APBA1: variants seen among roughly 807,000 people sequenced by gnomAD.
APBA1 encodes amyloid beta precursor protein binding family A member 1.
A neutral mutation model predicts 86.6 loss-of-function variants in APBA1; 55 were observed. That is an observed-to-expected ratio of 0.64 (90% CI 0.51 to 0.80). The LOEUF (loss-of-function observed/expected upper bound fraction) is 0.80. Ranked by LOEUF, APBA1 falls within the 30% of genes least tolerant of loss-of-function variation. The probability of loss-of-function intolerance (pLI) is 0.00; values close to 1 mark genes in which losing one functional copy is unlikely to be tolerated. For missense variants in APBA1, 1,090 were observed against 1,183.0 expected (o/e 0.92, Z 1.15); for synonymous variants, 511 against 493.9 (o/e 1.03, Z -0.46).
chr9:69,442,388 G>T (rs77005814), intron 10 of APBA1, among the ~76,000 whole-genome samples: 1,971 of 152,232 alleles, frequency 0.013, 36 homozygotes, highest in African/African-American at 0.045. Context: ...CTGCCCAACT[G>T]GACTCCCATC....
At chr9:69,652,436 G>A (rs1266455038) in intron 1 of APBA1, among the ~76,000 whole-genome samples, 2 of 152,140 alleles carry the variant, frequency 1.3e-5, no homozygotes, top group Admixed American at 1.3e-4. Context: ...CCAAATAAGT[G>A]TGTGTGTGTT....
At chr9:69,630,897 G>T (rs1823029096) in intron 1 of APBA1, among the ~76,000 whole-genome samples, 1 of 152,176 alleles carries the variant, frequency 6.6e-6, no homozygotes. Context: ...GTCTCCAGGG[G>T]ACACTACAGT....
intron 1 of APBA1, among the ~76,000 whole-genome samples, chr9:69,621,540 C>A (rs1226510560): frequency 6.6e-6 from 1 of 152,218 alleles, no homozygotes; most frequent in East Asian, 1.9e-4. Context: ...CGGTTCAAGT[C>A]CTGGCCCATC....
rs918020345 is a variant in APBA1 at position 69,548,628 on chromosome 9, G to C, written c.-69-31349C>G. The stretch of plus-strand genomic sequence containing the variant: ...AGGGTAAAAGGCAATAGGGTGCTCA[G>C]GAGGTAAGCAAGAAAAAGGAAAAGA... On this transcript the variant is annotated intron_variant, in intron 1 of 12. Coordinates refer to ENST00000265381, the MANE Select transcript of APBA1 (RefSeq NM_001163.4). 2.6e-5 allele frequency among the ~76,000 whole-genome samples: 4 copies of C among 152,348 alleles called. No individual in the cohort carries two copies. In the East Asian group the frequency reaches 7.7e-4, roughly 29 times the overall value.
chr9:69,547,280 C>T (rs1475071553), intron 1 of APBA1, among the ~76,000 whole-genome samples: 1 of 152,190 alleles, frequency 6.6e-6, no homozygotes, highest in Non-Finnish European at 1.5e-5. Flanking sequence ...CTCCAGTCAG[C>T]CATCCTTAGA....
chr9:69,581,915 G>A (rs1821919011), intron 1 of APBA1, among the ~76,000 whole-genome samples: 1 of 152,140 alleles, frequency 6.6e-6, no homozygotes, highest in South Asian at 2.1e-4. Flanking sequence ...GTAAAAGAGT[G>A]ACCACAGCCC....
chr9:69,615,434 T>C (rs767639938), intron 1 of APBA1, among the ~76,000 whole-genome samples: 1 of 152,180 alleles, frequency 6.6e-6, no homozygotes, highest in Non-Finnish European at 1.5e-5. Context: ...TTGGTTATAC[T>C]ACCAAGGCTT....
chr9:69,490,281 A>G (rs894529932), intron 2 of APBA1, among the ~76,000 whole-genome samples: 3 of 151,650 alleles, frequency 2.0e-5, no homozygotes, highest in African/African-American at 7.3e-5. Flanking sequence ...CAATGAGAAC[A>G]CATGGACACA....
chr9:69,670,380 T>C (rs1434568205), intron 1 of APBA1, among the ~76,000 whole-genome samples: 3 of 152,222 alleles, frequency 2.0e-5, no homozygotes, highest in Non-Finnish European at 4.4e-5. Context: ...TTTACTTGTG[T>C]AGCCATGACT....
chr9:69,590,934 C>T (rs966571439), intron 1 of APBA1, among the ~76,000 whole-genome samples: 3 of 152,200 alleles, frequency 2.0e-5, no homozygotes, highest in African/African-American at 7.2e-5. Flanking sequence ...AAGCTAATGG[C>T]TTTCTGCTGA....
At chr9:69,630,671 G>A (rs959004139) in intron 1 of APBA1, among the ~76,000 whole-genome samples, 2 of 152,042 alleles carry the variant, frequency 1.3e-5, no homozygotes, top group African/African-American at 4.8e-5. Flanking sequence ...CTGCTCCTCT[G>A]GCACACGGCT....
chr9:69,468,427 GCC>G (rs35915227), intron 4 of APBA1, among the ~76,000 whole-genome samples: 10 of 151,550 alleles, frequency 6.6e-5, no homozygotes, highest in East Asian at 1.9e-4. Context: ...CCTATTACTT[GCC>G]CCCCCCCATT....
intron 1 of APBA1, among the ~76,000 whole-genome samples, chr9:69,584,343 G>GT (rs1194992656): frequency 1.3e-5 from 2 of 152,140 alleles, no homozygotes; most frequent in Non-Finnish European, 2.9e-5. Context: ...TGTTTTGGCT[G>GT]TATTAACTCA....
intron 1 of APBA1, among the ~76,000 whole-genome samples, chr9:69,609,410 G>T (rs1365441714): frequency 6.6e-6 from 1 of 152,118 alleles, no homozygotes; most frequent in Non-Finnish European, 1.5e-5. Flanking sequence ...CCTTGGACTG[G>T]TGCTACCTTT....
chr9:69,602,461 C>T (rs1822370314), intron 1 of APBA1, among the ~76,000 whole-genome samples: 1 of 152,034 alleles, frequency 6.6e-6, no homozygotes, highest in Non-Finnish European at 1.5e-5. Flanking sequence ...GTCCCAGCTA[C>T]TTGGGAGGCT....
At chr9:69,583,798 C>T (rs1379992481) in intron 1 of APBA1, among the ~76,000 whole-genome samples, 1 of 152,178 alleles carries the variant, frequency 6.6e-6, no homozygotes, top group African/African-American at 2.4e-5. Context: ...AAAGCTCTGG[C>T]TTTGTAGCAT....
chr9:69,491,975 G>A (rs1335728225), intron 2 of APBA1, among the ~76,000 whole-genome samples: 2 of 151,898 alleles, frequency 1.3e-5, no homozygotes, highest in Non-Finnish European at 2.9e-5. Flanking sequence ...ATGTTGGCCA[G>A]GATGGTCTCG....
intron 5 of APBA1, chr9:69,460,638 C>G (rs561537418): frequency 6.6e-6 from 1 of 151,784 alleles, no homozygotes; most frequent in African/African-American, 2.4e-5. Context: ...GTTCCACCAT[C>G]ACTGGAGTAC....
chr9:69,492,357 G>C (rs749248193), intron 2 of APBA1, among the ~76,000 whole-genome samples: 2 of 152,118 alleles, frequency 1.3e-5, no homozygotes, highest in Non-Finnish European at 2.9e-5. Flanking sequence ...TTTATGATCT[G>C]AACAGTTAGA....
Sources: allele counts gnomAD v4.1 joint callset (sites outside exome capture counted in the v4.1 genomes callset), GRCh38; gene constraint gnomAD v4.1.1; transcripts MANE v1.5; gene names NCBI Gene and HGNC (gene_info 2026-07-23, HGNC 2026-07-21).